The following ANKS1B variants were observed in gnomAD, a reference collection of about 807,000 sequenced individuals.
ANKS1B encodes the protein ankyrin repeat and sterile alpha motif domain-containing protein 1B.
ANKS1B carries 36 observed loss-of-function variants against 148.3 expected under a neutral mutation model. The ratio of observed to expected loss-of-function variants is 0.24; its 90% CI spans 0.19 to 0.32. The LOEUF (loss-of-function observed/expected upper bound fraction) is 0.32, where lower values mean the gene tolerates loss of function less well. ANKS1B is among the 10% of genes least tolerant of loss of function. The pLI, the probability that ANKS1B is intolerant of heterozygous loss-of-function variation, is 1.00. For missense variants in ANKS1B, 1,157 were observed against 1,542.6 expected (o/e 0.75, Z 4.19); for synonymous variants, 542 against 560.8 (o/e 0.97, Z 0.47).
In ANKS1B at chr12:99,533,341, T is replaced by C. The variant is rs886860244; in HGVS notation, c.1273-28700A>G. Among the ~76,000 whole-genome samples, 15 of 152,294 alleles carry C rather than the reference T, an allele frequency of 9.8e-5. No individual in the cohort carries two copies. In the South Asian group the frequency reaches 2.5e-3, roughly 25 times the overall value. ...CTTCATTTCATTTTCAGCTTGGTCA[T>C]TGTTGGTGTATAGCAGTGCTACTGA... On this transcript the variant is annotated intron_variant, in intron 9 of 26. Coordinates refer to ENST00000683438, the MANE Select transcript of ANKS1B (RefSeq NM_001352186.2).
intron 15 of ANKS1B, among the ~76,000 whole-genome samples, chr12:99,110,366 T>C (rs1240906406): frequency 6.6e-6 from 1 of 152,176 alleles, no homozygotes; most frequent in Non-Finnish European, 1.5e-5. Context: ...CAGTTGGGAA[T>C]AAATTCTATC....
chr12:98,965,964 A>G (rs1287949365), intron 17 of ANKS1B, among the ~76,000 whole-genome samples: 2 of 152,200 alleles, frequency 1.3e-5, no homozygotes, highest in Non-Finnish European at 2.9e-5. Context: ...AACCTAGGCA[A>G]TACTATTCAG....
Position 99,278,622 on chromosome 12 carries a change from T to C in ANKS1B, c.1757-31758A>G, listed in dbSNP as rs955251562. On this transcript the variant is annotated intron_variant, in intron 12 of 26. Coordinates refer to ENST00000683438, the MANE Select transcript of ANKS1B (RefSeq NM_001352186.2). ...AGGCATCACCTCCTCCAAGAAGACT[T>C]TGAAACCTCCCCAAGCTGAGTTAAA... Among the ~76,000 whole-genome samples the C allele has an allele frequency of 2.0e-5, 3 of 152,258 alleles. No homozygotes were observed. The South Asian group carries it at 6.2e-4, about 32-fold the overall frequency.
intron 17 of ANKS1B, among the ~76,000 whole-genome samples, chr12:98,854,428 G>A (rs972899057): frequency 1.3e-5 from 2 of 152,134 alleles, no homozygotes; most frequent in Non-Finnish European, 2.9e-5. Flanking sequence ...TAATATGACT[G>A]AAAAATCACA....
chr12:99,238,620 C>T (rs1006028212), intron 14 of ANKS1B, among the ~76,000 whole-genome samples: 1 of 152,214 alleles, frequency 6.6e-6, no homozygotes, highest in Admixed American at 6.5e-5. Context: ...AGGTCCCTGA[C>T]CCCTGTGTAG....
chr12:98,767,115 C>T (rs1005746948), intron 25 of ANKS1B, among the ~76,000 whole-genome samples: 1 of 151,990 alleles, frequency 6.6e-6, no homozygotes, highest in African/African-American at 2.4e-5. Flanking sequence ...CTACTGTGCC[C>T]AGCCAGGAAT....
chr12:98,895,063 C>T lies in ANKS1B; in HGVS notation c.2779-62927G>A, dbSNP rs533431150. ...CTGCTGGCTGCGCTCTCCATTGTTC[C>T]GCGGCTGCTGCCCGGGGTGGGCGGC... On this transcript the variant is annotated intron_variant, in intron 17 of 26. Coordinates refer to ENST00000683438, the MANE Select transcript of ANKS1B (RefSeq NM_001352186.2). The T allele has an allele frequency of 1.4e-4, 135 of 953,384 alleles. 2 individuals are homozygous for T. In the African/African-American group the frequency reaches 2.2e-3, roughly 16 times the overall value. 59.1% of individuals were successfully genotyped at this position (953,384 alleles called of 1,614,324 possible).
chr12:99,648,632 G>C, intron 9 of ANKS1B: 1 of 1,614,190 alleles, frequency 6.2e-7, no homozygotes, highest in South Asian at 1.1e-5. Context: ...CTTCAGCTGT[G>C]TCCTCCATCG....
chr12:99,253,419 T>C (rs1336397676), intron 12 of ANKS1B, among the ~76,000 whole-genome samples: 1 of 152,152 alleles, frequency 6.6e-6, no homozygotes, highest in Non-Finnish European at 1.5e-5. Context: ...CCTGTATTTC[T>C]TAATACTTCA....
chr12:99,548,625 AT>A (rs1030745547), intron 9 of ANKS1B, among the ~76,000 whole-genome samples: 4 of 152,168 alleles, frequency 2.6e-5, no homozygotes, highest in African/African-American at 9.6e-5. Context: ...TAATTTACTC[AT>A]CCATGCCACA....
At chr12:99,791,204 G>A (rs1294724709) in intron 4 of ANKS1B, among the ~76,000 whole-genome samples, 1 of 151,764 alleles carries the variant, frequency 6.6e-6, no homozygotes, top group East Asian at 1.9e-4. Context: ...ATGACAAAGG[G>A]GTCAATTCAG....
At chr12:99,153,316 T>C (rs1345618324) in intron 15 of ANKS1B, among the ~76,000 whole-genome samples, 1 of 152,202 alleles carries the variant, frequency 6.6e-6, no homozygotes, top group Non-Finnish European at 1.5e-5. Flanking sequence ...GCCCTATTAC[T>C]GTATTTAGGC....
At chr12:99,523,636 C>T (rs921784210) in intron 9 of ANKS1B, among the ~76,000 whole-genome samples, 2 of 149,862 alleles carry the variant, frequency 1.3e-5, no homozygotes, top group Non-Finnish European at 2.9e-5. Context: ...TCACTGCAAG[C>T]TCCGCCTCCT....
chr12:99,354,739 A>G (rs943710703), intron 12 of ANKS1B, among the ~76,000 whole-genome samples: 1 of 152,102 alleles, frequency 6.6e-6, no homozygotes, highest in Non-Finnish European at 1.5e-5. Context: ...AATCAATTGC[A>G]TAAGTAAAGG....
chr12:98,990,446 T>C (rs1439014137), intron 17 of ANKS1B, among the ~76,000 whole-genome samples: 1 of 151,908 alleles, frequency 6.6e-6, no homozygotes, highest in Non-Finnish European at 1.5e-5. Context: ...ATGTTTTTTT[T>C]CTAAGAGAGA....
At chr12:99,706,298 G>A (rs1289763936) in intron 8 of ANKS1B, 1 of 151,946 alleles carries the variant, frequency 6.6e-6, no homozygotes, top group Non-Finnish European at 1.5e-5. Context: ...TGAAGGTGTT[G>A]GGAGGAAGAG....
Position 98,751,597 on chromosome 12 carries a change from G to C in ANKS1B, c.3580-75C>G. On this transcript the variant is annotated intron_variant, in intron 25 of 26. Coordinates refer to ENST00000683438, the MANE Select transcript of ANKS1B (RefSeq NM_001352186.2). The surrounding 1 kb of genome is among the most constrained non-coding windows in gnomAD (Gnocchi z 4.3). ...ATGGGTCGAATGGCTGAGGAACACT[G>C]AGGGAGGTGAACTAGGGAGGAACTT... 7.0e-7 allele frequency: 1 copy of C among 1,426,772 alleles called. No homozygotes were observed. The highest frequency in any genetic ancestry group is 9.7e-7 in the Non-Finnish European group (1 of 1,027,152). The allele number at this position is 1,426,772 out of a possible 1,614,324, so 88.4% of individuals were successfully genotyped here.
intron 15 of ANKS1B, among the ~76,000 whole-genome samples, chr12:99,125,614 C>T (rs753996547): frequency 2.6e-5 from 4 of 152,050 alleles, no homozygotes; most frequent in Non-Finnish European, 5.9e-5. Flanking sequence ...CAGATAAAGT[C>T]GAGGTGATAG....
At chr12:98,739,980 G>C (rs2097790143), downstream of ANKS1B, among the ~76,000 whole-genome samples, 1 of 151,994 alleles carries the variant, frequency 6.6e-6, no homozygotes, top group Non-Finnish European at 1.5e-5. Flanking sequence ...TGCTTACTTA[G>C]CAGGAAAGCT....
Sources: gnomAD v4.1 joint callset for allele counts (sites outside exome capture counted in the v4.1 genomes callset) on GRCh38, gnomAD v4.1.1 for gene constraint, Gnocchi (gnomAD v3.1) non-coding constraint, MANE v1.5 for transcripts, NCBI Gene and HGNC (gene_info 2026-07-23, HGNC 2026-07-21) for gene names.